The following APP variants were observed in gnomAD, a reference collection of about 807,000 sequenced individuals.
The protein encoded by APP is amyloid-beta precursor protein.
A neutral mutation model predicts 101.4 loss-of-function variants in APP; 31 were observed. The observed-to-expected ratio is 0.31, with a 90% CI of 0.23 to 0.41. The LOEUF (loss-of-function observed/expected upper bound fraction) is 0.41, where lower values mean the gene tolerates loss of function less well. APP is among the 10% of genes least tolerant of loss of function. The pLI is 1.00. For missense variants in APP, 839 were observed against 1,003.7 expected, an observed-to-expected ratio of 0.84 and a Z score of 2.22; for synonymous variants, 366 against 364.4, an observed-to-expected ratio of 1.00 and a Z score of -0.05.
At chr21:26,021,500 T>C (rs1417335417) in intron 6 of APP, among the ~76,000 whole-genome samples, 1 of 152,158 alleles carries the variant, frequency 6.6e-6, no homozygotes, top group Non-Finnish European at 1.5e-5. Flanking sequence ...CAATATTATA[T>C]AACAAACACT....
intron 3 of APP, among the ~76,000 whole-genome samples, chr21:26,080,237 A>C (rs1307271031): frequency 1.2e-4 from 18 of 152,232 alleles, no homozygotes; most frequent in Non-Finnish European, 2.9e-5. Flanking sequence ...AACACTTAAT[A>C]ATCTCAAAGT....
At chr21:26,080,984 G>A (rs1830287507) in intron 3 of APP, among the ~76,000 whole-genome samples, 1 of 152,032 alleles carries the variant, frequency 6.6e-6, no homozygotes, top group Admixed American at 6.6e-5. Context: ...ATGTTATACT[G>A]AGAAATGATA....
At chr21:26,145,217 G>T (rs935503290) in intron 1 of APP, among the ~76,000 whole-genome samples, 1 of 152,180 alleles carries the variant, frequency 6.6e-6, no homozygotes, top group Non-Finnish European at 1.5e-5. Context: ...TGCCAAGAGG[G>T]AGCAGCCTCT....
chr21:26,012,237 G>C (rs747511286), intron 6 of APP, among the ~76,000 whole-genome samples: 1 of 151,870 alleles, frequency 6.6e-6, no homozygotes, highest in Non-Finnish European at 1.5e-5. Flanking sequence ...GGGGTCAGGC[G>C]ATCATCCTGC....
intron 1 of APP, among the ~76,000 whole-genome samples, chr21:26,115,888 CCA>C (rs1452980227): frequency 6.6e-5 from 10 of 152,098 alleles, no homozygotes; most frequent in African/African-American, 2.4e-4. Context: ...GGAAATATAA[CCA>C]CTTAACTACT....
intron 13 of APP, among the ~76,000 whole-genome samples, chr21:25,926,743 A>G (rs1453365308): frequency 6.6e-6 from 1 of 152,094 alleles, no homozygotes; most frequent in African/African-American, 2.4e-5. Context: ...AACTAATATT[A>G]AAGAAGCATA....
At chr21:26,046,445 ACT>A (rs2045613974) in intron 5 of APP, among the ~76,000 whole-genome samples, 1 of 151,076 alleles carries the variant, frequency 6.6e-6, no homozygotes, top group Admixed American at 6.6e-5. Context: ...AAAAAAAAAA[ACT>A]CTTCCAAGTT....
At chr21:25,924,907 T>G (rs2039818932) in intron 13 of APP, among the ~76,000 whole-genome samples, 1 of 152,210 alleles carries the variant, frequency 6.6e-6, no homozygotes, top group Non-Finnish European at 1.5e-5. Context: ...TTGATTCTTT[T>G]GGATCCCATG....
At chr21:25,966,837 T>C (rs962314623) in intron 11 of APP, among the ~76,000 whole-genome samples, 5 of 152,194 alleles carry the variant, frequency 3.3e-5, no homozygotes, top group Admixed American at 6.5e-5. Context: ...TAAAGTTTGG[T>C]TTAGTTGTAA....
At chr21:26,166,925 A>AGG (rs1433463848) in intron 1 of APP, among the ~76,000 whole-genome samples, 45 of 109,484 alleles carry the variant, frequency 4.1e-4, no homozygotes, top group South Asian at 3.1e-3. Context: ...AAAGAGACAG[A>AGG]GGGTGTGTGT....
chr21:26,024,445 C>T (rs2044480800), intron 5 of APP, among the ~76,000 whole-genome samples: 1 of 152,076 alleles, frequency 6.6e-6, no homozygotes, highest in African/African-American at 2.4e-5. Context: ...GCCTTGGACT[C>T]GTAGTGAGAG....
chr21:25,902,833 T>C (rs774739482), intron 15 of APP, among the ~76,000 whole-genome samples: 3 of 152,208 alleles, frequency 2.0e-5, no homozygotes, highest in Non-Finnish European at 4.4e-5. Flanking sequence ...CTCAAGCTCC[T>C]GAGAGCAGGG....
chr21:26,081,571 TTG>T lies in APP; in HGVS notation c.355+8370_355+8371del, dbSNP rs373983156. ...CAGGAACAGGCCATTTTCACTTCTT[TTG>T]TGATTCTTCACTTGCTTCGGGCCAT... On this transcript the variant is annotated intron_variant, in intron 3 of 17. Coordinates refer to ENST00000346798, the MANE Select transcript of APP (RefSeq NM_000484.4). Among the ~76,000 whole-genome samples the T allele has an allele frequency of 3.8e-3, 581 of 152,332 alleles. 7 individuals carry two copies. Among genetic ancestry groups the T allele is most frequent in the African/African-American group, 0.013 (560 of 41,576 alleles).
intron 2 of APP, among the ~76,000 whole-genome samples, chr21:26,110,062 T>C (rs1477568344): frequency 6.6e-6 from 1 of 152,238 alleles, no homozygotes; most frequent in African/African-American, 2.4e-5. Flanking sequence ...TTTCTAACAT[T>C]GACACTTTAT....
intron 6 of APP, among the ~76,000 whole-genome samples, chr21:26,010,818 C>G (rs2043763823): frequency 1.1e-4 from 1 of 9,010 alleles, no homozygotes; most frequent in Non-Finnish European, 3.5e-4. Context: ...GAGACTTCGT[C>G]TCAAAAAAAA....
intron 14 of APP, among the ~76,000 whole-genome samples, chr21:25,906,301 G>C (rs2038786144): frequency 6.6e-6 from 1 of 152,256 alleles, no homozygotes; most frequent in Non-Finnish European, 1.5e-5. Flanking sequence ...CTGGCAGCAT[G>C]GTGGAGTCAA....
intron 3 of APP, among the ~76,000 whole-genome samples, chr21:26,077,172 A>G (rs775437642): frequency 1.3e-5 from 2 of 152,182 alleles, no homozygotes; most frequent in Non-Finnish European, 2.9e-5. Flanking sequence ...GGCCTCCTTG[A>G]TCGATTTCTC....
At chr21:26,016,645 CA>C (rs2044076443) in intron 6 of APP, among the ~76,000 whole-genome samples, 1 of 152,062 alleles carries the variant, frequency 6.6e-6, no homozygotes, top group Non-Finnish European at 1.5e-5. Flanking sequence ...AATCTCAGCT[CA>C]CTGCAACCTC....
intron 8 of APP, among the ~76,000 whole-genome samples, chr21:25,984,658 C>T (rs1304383121): frequency 6.6e-6 from 1 of 152,050 alleles, no homozygotes; most frequent in Non-Finnish European, 1.5e-5. Context: ...TTCAAGTTCC[C>T]AACTTGAAAT....
Sources: gnomAD v4.1 joint callset for allele counts (sites outside exome capture counted in the v4.1 genomes callset) on GRCh38, gnomAD v4.1.1 for gene constraint, MANE v1.5 for transcripts, NCBI Gene and HGNC (gene_info 2026-07-23, HGNC 2026-07-21) for gene names.